GSE1: variants seen among roughly 807,000 people sequenced by gnomAD.
GSE1 encodes the protein Gse1 coiled-coil protein.
In GSE1, 32 loss-of-function variants were observed where a neutral mutation model predicts 112.6. The ratio of observed to expected loss-of-function variants is 0.28; its 90% CI spans 0.21 to 0.38. The LOEUF is 0.38. Among genes scored for constraint, GSE1 ranks in the 10% least tolerant of loss-of-function variants. The pLI, the probability that GSE1 is intolerant of heterozygous loss-of-function variation, is 1.00. For missense variants in GSE1, 2,348 were observed against 1,699.2 expected, an observed-to-expected ratio of 1.38 and a Z score of -6.71; for synonymous variants, 1,115 against 735.6, an observed-to-expected ratio of 1.52 and a Z score of -8.35.
At chr16:85,433,670 C>G (rs2049175194) in intron 2 of GSE1, among the ~76,000 whole-genome samples, 2 of 150,996 alleles carry the variant, frequency 1.3e-5, no homozygotes, top group African/African-American at 4.9e-5. Flanking sequence ...TAGATACTTG[C>G]ATGGGATTGG....
chr16:85,267,263 C>T (rs1205537336), intron 1 of GSE1, among the ~76,000 whole-genome samples: 2 of 152,152 alleles, frequency 1.3e-5, no homozygotes, highest in Non-Finnish European at 2.9e-5. Context: ...GTGGGGGTGG[C>T]AGTGGATAGC....
chr16:85,288,006 G>A (rs897793786), intron 1 of GSE1, among the ~76,000 whole-genome samples: 4 of 152,228 alleles, frequency 2.6e-5, no homozygotes, highest in East Asian at 1.9e-4. Context: ...TCGGGAGGCC[G>A]AGGTAGGCGG....
intron 2 of GSE1, among the ~76,000 whole-genome samples, chr16:85,391,204 T>C (rs1010556329): frequency 3.3e-5 from 5 of 152,232 alleles, no homozygotes; most frequent in African/African-American, 1.2e-4. Flanking sequence ...GCAGCCCACG[T>C]GGCACAGAGC....
In GSE1 at chr16:85,675,085, G is replaced by A. The variant is rs760352078; in HGVS notation, c.*2546G>A. The stretch of plus-strand genomic sequence containing the variant: ...TTCATACTTTGAAAACTTACTTTCA[G>A]ATTATTCTCAAAGAACACAGTAGCA... On this transcript the variant is annotated 3_prime_UTR_variant, in exon 16 of 16. Coordinates refer to ENST00000253458, the MANE Select transcript of GSE1 (RefSeq NM_014615.5). 1 of 152,256 alleles carries A rather than the reference G, an allele frequency of 6.6e-6. No individual in the cohort carries two copies. The highest frequency in any genetic ancestry group is 1.5e-5 in the Non-Finnish European group (1 of 68,028). 9.4% of individuals were successfully genotyped at this position (152,256 alleles called of 1,614,324 possible).
chr16:85,507,208 T>G (rs749341281), intron 2 of GSE1, among the ~76,000 whole-genome samples: 1 of 152,222 alleles, frequency 6.6e-6, no homozygotes, highest in African/African-American at 2.4e-5. Flanking sequence ...TCATCTAGAT[T>G]TGTGTCAAGC....
chr16:85,491,585 G>A (rs1471113464), intron 2 of GSE1, among the ~76,000 whole-genome samples: 3 of 152,144 alleles, frequency 2.0e-5, no homozygotes, highest in East Asian at 1.9e-4. Context: ...AGGGCGAGAC[G>A]GCTGTGTGGC....
chr16:85,339,530 T>C (rs905386739), intron 1 of GSE1, among the ~76,000 whole-genome samples: 1 of 151,878 alleles, frequency 6.6e-6, no homozygotes, highest in South Asian at 2.1e-4. Context: ...TCAGATCTTT[T>C]CAGGGAAGGC....
chr16:85,517,309 T>A (rs991956270), intron 2 of GSE1, among the ~76,000 whole-genome samples: 15 of 152,210 alleles, frequency 9.9e-5, no homozygotes, highest in African/African-American at 3.4e-4. Context: ...CACAGCCATG[T>A]GTCCTTGGTC....
rs143092456 is a variant in GSE1, at chr16:85,555,989, G to T, written c.-338G>T. 1.4e-5 allele frequency: 14 copies of T among 984,866 alleles called. No individual in the cohort carries two copies. The African/African-American group carries it at 2.3e-4, about 16-fold the overall frequency. The allele number at this position is 984,866 out of a possible 1,614,324, so 61.0% of individuals were successfully genotyped here. ...ATTTGCATCTCAAGTCCAAAAGGCA[G>T]AAAATACACACGCGGCGAAGACACC... is the stretch of plus-strand genomic sequence containing the variant. On this transcript the variant is annotated 5_prime_UTR_variant, in exon 1 of 3. Coordinates refer to the GSE1 transcript ENST00000635906.
chr16:85,504,741 C>T (rs2051481531), intron 2 of GSE1, among the ~76,000 whole-genome samples: 1 of 152,248 alleles, frequency 6.6e-6, no homozygotes, highest in African/African-American at 2.4e-5. Flanking sequence ...TTACAGAAAA[C>T]GTTGACTCAA....
In GSE1 at chr16:85,665,178, C is replaced by T. The variant is rs773071034; in HGVS notation, c.2758+50C>T. On this transcript the variant is annotated intron_variant, in intron 12 of 15. Transcript: ENST00000253458. ...CCACCACCCAGGACCATCCCATGGG[C>T]TGCCCAGGCTCAGAGGCGACCACTC... is the stretch of plus-strand genomic sequence containing the variant. 1.2e-5 allele frequency: 14 copies of T among 1,127,176 alleles called. No individual in the cohort carries two copies. The South Asian group carries it at 1.6e-4, about 13-fold the overall frequency. 69.8% of individuals were successfully genotyped at this position (1,127,176 alleles called of 1,614,324 possible).
intron 2 of GSE1, among the ~76,000 whole-genome samples, chr16:85,452,012 T>TG (rs1483243300): frequency 1.3e-5 from 2 of 151,794 alleles, no homozygotes; most frequent in Non-Finnish European, 2.9e-5. Context: ...GTCCATGTGC[T>TG]GTAAGCAAGA....
chr16:85,333,789 T>C (rs571090040), intron 1 of GSE1, among the ~76,000 whole-genome samples: 6 of 152,168 alleles, frequency 3.9e-5, no homozygotes, highest in African/African-American at 1.4e-4. Context: ...GGACATCCCA[T>C]TGGGCCACTT....
intron 2 of GSE1, among the ~76,000 whole-genome samples, chr16:85,512,426 C>G (rs779700735): frequency 6.6e-6 from 1 of 152,190 alleles, no homozygotes; most frequent in Non-Finnish European, 1.5e-5. Flanking sequence ...CGAGCCAGGA[C>G]AGCCTGTGCT....
chr16:85,547,055 T>C lies in GSE1; in HGVS notation c.2465-86859T>C, dbSNP rs114212358. Among the ~76,000 whole-genome samples, 793 of 152,268 alleles carry C rather than the reference T, an allele frequency of 5.2e-3. 7 individuals are homozygous for C. The highest frequency in any genetic ancestry group is 0.017 in the African/African-American group (702 of 41,546). On this transcript the variant is annotated intron_variant, in intron 2 of 2. Transcript: ENST00000637419. ...TGAGTTTTGTGGAGGGCGGGCAGCC[T>C]CACCACACCCCTGTCCAGGGCCTCA...
In GSE1 at chr16:85,222,082, G is replaced by C. The variant is rs573561754; in HGVS notation, c.2283+50275G>C. Among the ~76,000 whole-genome samples, 18 of 152,244 alleles carry C rather than the reference G, an allele frequency of 1.2e-4. No homozygotes were observed. In the South Asian group the frequency reaches 3.7e-3, roughly 32 times the overall value. Reference sequence around the variant, plus strand: ...GCCCAGGGCCTGGGGAAGGGGACAGGACACTAGTCCTCTCCCTCTGGGCCA... The same window carrying C: ...GCCCAGGGCCTGGGGAAGGGGACAGCACACTAGTCCTCTCCCTCTGGGCCA... On this transcript the variant is annotated intron_variant, in intron 1 of 2. Coordinates refer to the GSE1 transcript ENST00000637419.
intron 2 of GSE1, among the ~76,000 whole-genome samples, chr16:85,376,281 T>C (rs1202844906): frequency 6.6e-6 from 1 of 151,954 alleles, no homozygotes; most frequent in African/African-American, 2.4e-5. Flanking sequence ...CTCCGGGAAA[T>C]GGGGATGATC....
At chr16:85,535,812 G>A (rs981065864) in intron 2 of GSE1, among the ~76,000 whole-genome samples, 3 of 152,212 alleles carry the variant, frequency 2.0e-5, no homozygotes, top group African/African-American at 4.8e-5. Context: ...AGCTGTTGCC[G>A]CAGGGCCAGC....
At chr16:85,512,649 A>G (rs1449958610) in intron 2 of GSE1, among the ~76,000 whole-genome samples, 1 of 152,126 alleles carries the variant, frequency 6.6e-6, no homozygotes, top group Admixed American at 6.5e-5. Flanking sequence ...TTATATAAAC[A>G]TCAATTACAG....
Sources: allele counts gnomAD v4.1 joint callset (sites outside exome capture counted in the v4.1 genomes callset), GRCh38; gene constraint gnomAD v4.1.1; transcripts MANE v1.5; gene names NCBI Gene and HGNC (gene_info 2026-07-23, HGNC 2026-07-21).